GSG1L: variants seen among roughly 807,000 people sequenced by gnomAD.
GSG1L encodes the protein GSG1 like.
In GSG1L, 24 loss-of-function variants were observed where a neutral mutation model predicts 42.1. The observed-to-expected ratio is 0.57, with a 90% CI of 0.41 to 0.80. The LOEUF (loss-of-function observed/expected upper bound fraction) is 0.80. Ranked by LOEUF, GSG1L falls within the 30% of genes least tolerant of loss-of-function variation. The pLI is 0.00. For missense variants in GSG1L, 445 were observed against 472.2 expected (o/e 0.94, Z 0.53); for synonymous variants, 215 against 203.5 (o/e 1.06, Z -0.48).
intron 1 of GSG1L, among the ~76,000 whole-genome samples, chr16:28,016,142 AC>A (rs764054740): frequency 6.6e-6 from 1 of 152,156 alleles, no homozygotes; most frequent in Non-Finnish European, 1.5e-5. Context: ...GGTGCATGCC[AC>A]CATGCCCGGC....
At chr16:27,822,153 A>T (rs1285525939) in intron 5 of GSG1L, among the ~76,000 whole-genome samples, 2 of 152,078 alleles carry the variant, frequency 1.3e-5, no homozygotes, top group South Asian at 2.1e-4. Context: ...TAATTGTATC[A>T]TTTCATAAAG....
intron 1 of GSG1L, among the ~76,000 whole-genome samples, chr16:28,002,746 C>T (rs961756283): frequency 4.0e-5 from 6 of 150,554 alleles, no homozygotes; most frequent in Admixed American, 2.7e-4. Flanking sequence ...CTGGCTAACA[C>T]GGTGAAACCC....
Position 27,888,401 on chromosome 16 carries a change from CTTCTTTCTTTCTTTCTTTCTTTCT to C in GSG1L, c.398-3787_398-3764del, listed in dbSNP as rs768689001. Reference sequence around the variant, plus strand: ...GGTTCTTTCTTTCTTTTCTTTTCTCCTTCTTTCTTTCTTTCTTTCTTTCTTTCTTTCTTTCTTTCTTTCTTTCTT... The same window carrying C: ...GGTTCTTTCTTTCTTTTCTTTTCTCCTTCTTTCTTTCTTTCTTTCTTTCTT... On this transcript the variant is annotated intron_variant, in intron 2 of 6. Coordinates refer to ENST00000447459, the MANE Select transcript of GSG1L (RefSeq NM_001109763.2). Among the ~76,000 whole-genome samples, 12 of 122,566 alleles carry C rather than the reference CTTCTTTCTTTCTTTCTTTCTTTCT, an allele frequency of 9.8e-5. 1 individual carries two copies. Among genetic ancestry groups the C allele is most frequent in the South Asian group, 2.5e-4 (1 of 3,988 alleles). The allele number at this position is 122,566 out of a possible 152,430, so 80.4% of individuals were successfully genotyped here. A position where few individuals can be genotyped will look rare whatever the true frequency, so the allele number is the denominator to read the frequency against.
At chr16:27,912,669 C>G (rs1050826118) in intron 2 of GSG1L, among the ~76,000 whole-genome samples, 1 of 152,162 alleles carries the variant, frequency 6.6e-6, no homozygotes, top group South Asian at 2.1e-4. Flanking sequence ...CACAGATTGA[C>G]GCAGCCACTT....
chr16:27,810,020 A>G (rs950155756), intron 5 of GSG1L, among the ~76,000 whole-genome samples: 1 of 152,216 alleles, frequency 6.6e-6, no homozygotes, highest in African/African-American at 2.4e-5. Flanking sequence ...ATATATTGAT[A>G]ATCACCAATC....
intron 1 of GSG1L, among the ~76,000 whole-genome samples, chr16:28,028,728 T>C (rs2085925892): frequency 6.6e-6 from 1 of 152,130 alleles, no homozygotes; most frequent in Non-Finnish European, 1.5e-5. Flanking sequence ...ATCTCTCTTT[T>C]GAACAAAGAG....
At chr16:27,972,593 T>A (rs1306130595) in intron 1 of GSG1L, among the ~76,000 whole-genome samples, 1 of 152,240 alleles carries the variant, frequency 6.6e-6, no homozygotes, top group Non-Finnish European at 1.5e-5. Flanking sequence ...AGACTGGGGC[T>A]TGACAATTAG....
At chr16:27,857,010 T>C (rs571027259) in intron 3 of GSG1L, among the ~76,000 whole-genome samples, 1 of 152,146 alleles carries the variant, frequency 6.6e-6, no homozygotes. Context: ...GGCAACAGAT[T>C]GGTCTCTCTT....
intron 1 of GSG1L, among the ~76,000 whole-genome samples, chr16:28,052,957 A>C (rs205410): frequency 0.77 from 117,539 of 152,202 alleles, 46,883 homozygotes; most frequent in South Asian, 0.89. Context: ...GACCACCCAG[A>C]AAGTCTCCCT....
chr16:27,889,644 C>T (rs1227618855), intron 2 of GSG1L, among the ~76,000 whole-genome samples: 10 of 152,166 alleles, frequency 6.6e-5, no homozygotes. Flanking sequence ...GGGTCCTGTC[C>T]TGTGGCTCTG....
rs551932899 is a variant in GSG1L, at chr16:28,005,882, T to C, written c.350-42679A>G. ...CGTCCACGCTTTAATCTTTGGAAGC[T>C]GTAAATATGTTACTTTACAAAACAG... is the stretch of plus-strand genomic sequence containing the variant. On this transcript the variant is annotated intron_variant, in intron 1 of 6. Transcript: ENST00000447459. Among the ~76,000 whole-genome samples the C allele has an allele frequency of 6.6e-5, 10 of 152,370 alleles. No individual in the cohort carries two copies. The South Asian group carries it at 2.1e-3, about 32-fold the overall frequency.
chr16:27,889,206 T>A lies in GSG1L; in HGVS notation c.398-4568A>T, dbSNP rs187861772. Among the ~76,000 whole-genome samples, 54 of 152,228 alleles carry A rather than the reference T, an allele frequency of 3.5e-4. No individual in the cohort carries two copies. The East Asian group carries it at 0.01, about 28-fold the overall frequency. On this transcript the variant is annotated intron_variant, in intron 2 of 6. Coordinates refer to ENST00000447459, the MANE Select transcript of GSG1L (RefSeq NM_001109763.2). ...GGTCTCACTATGTTGCTCAGGCTGGTCTCGAACTCTCAGCCTCAAGTGATC... is the reference window on the plus strand; with the variant it reads ...GGTCTCACTATGTTGCTCAGGCTGGACTCGAACTCTCAGCCTCAAGTGATC...
At position 27,828,830 on chromosome 16, in the gene GSG1L, C is replaced by T. The variant is rs753737858; in HGVS notation, c.789G>A (p.Pro263=). 9.4e-5 allele frequency: 152 copies of T among 1,614,020 alleles called. No homozygotes were observed. The highest frequency in any genetic ancestry group is 1.1e-4 in the Non-Finnish European group (134 of 1,180,030). ...KVFEQGYREE[P]TFIDPEAIKY... The stretch of plus-strand genomic sequence containing the variant: ...TGATGGCCTCAGGGTCTATGAAGGT[C>T]GGCTCTTCCCGGTAGCCCTGCTCAA... Residue 263 remains proline, a synonymous_variant, in exon 5 of 7, where the codon CCG becomes CCA. Transcript: ENST00000447459.
chr16:27,928,109 A>G lies in GSG1L; in HGVS notation c.397+35047T>C, dbSNP rs374798481. Among the ~76,000 whole-genome samples the G allele has an allele frequency of 5.4e-3, 822 of 152,334 alleles. 6 individuals are homozygous for G. Among genetic ancestry groups the G allele is most frequent in the South Asian group, 0.032 (152 of 4,820 alleles). On this transcript the variant is annotated intron_variant, in intron 2 of 6. Coordinates refer to ENST00000447459, the MANE Select transcript of GSG1L (RefSeq NM_001109763.2). ...CAATAAATACTTATTCAGCAAATGC[A>G]GATAACTGTAGCAGCCAGCATTTAT...
At chr16:27,851,870 G>T (rs893832572) in intron 3 of GSG1L, among the ~76,000 whole-genome samples, 1 of 152,178 alleles carries the variant, frequency 6.6e-6, no homozygotes, top group African/African-American at 2.4e-5. Flanking sequence ...GGGGTGGCAG[G>T]TTCCTGCGCC....
intron 1 of GSG1L, among the ~76,000 whole-genome samples, chr16:27,979,949 T>G (rs2085308165): frequency 6.6e-6 from 1 of 152,200 alleles, no homozygotes; most frequent in South Asian, 2.1e-4. Context: ...ATGGCTGCCC[T>G]GTGCTTGGCT....
intron 1 of GSG1L, among the ~76,000 whole-genome samples, chr16:27,999,488 C>T (rs1220364380): frequency 2.6e-5 from 4 of 152,162 alleles, no homozygotes; most frequent in African/African-American, 9.7e-5. Context: ...ATCCAAAATA[C>T]GATTTTATGC....
At chr16:27,963,125 G>A in intron 2 of GSG1L, 31 bp downstream of exon 2, 1 of 1,595,052 alleles carries the variant, frequency 6.3e-7, no homozygotes, top group Non-Finnish European at 8.6e-7. Context: ...AGAGAGCAGA[G>A]CTGCCACAGC....
chr16:27,862,288 C>T (rs1567492357), intron 3 of GSG1L, among the ~76,000 whole-genome samples: 1 of 152,148 alleles, frequency 6.6e-6, no homozygotes, highest in Non-Finnish European at 1.5e-5. Flanking sequence ...AGGTGACCTC[C>T]TTGAGCTAAG....
Sources: allele counts gnomAD v4.1 joint callset (sites outside exome capture counted in the v4.1 genomes callset), GRCh38; gene constraint gnomAD v4.1.1; transcripts MANE v1.5; gene names NCBI Gene and HGNC (gene_info 2026-07-23, HGNC 2026-07-21).